The following PRKDC variants were observed in gnomAD, a reference collection of about 807,000 sequenced individuals.
PRKDC encodes the protein DNA-dependent protein kinase catalytic subunit.
Under a neutral mutation model 486.9 loss-of-function variants are expected in PRKDC, and 82 were observed. That is an observed-to-expected ratio of 0.17 (90% CI 0.14 to 0.20). PRKDC has a LOEUF of 0.20. PRKDC is among the 10% of genes least tolerant of loss of function. PRKDC has a pLI of 1.00. For synonymous variants in PRKDC, 1,895 were observed against 1,837.0 expected (o/e 1.03, Z -0.81); for missense variants, 4,504 against 5,038.2 (o/e 0.89, Z 3.21).
intron 85 of PRKDC, among the ~76,000 whole-genome samples, chr8:47,775,686 C>T (rs2086595858): frequency 6.6e-6 from 1 of 152,044 alleles, no homozygotes; most frequent in Admixed American, 6.6e-5. Context: ...TGATAGCACT[C>T]TGTGAAGCAC....
At chr8:47,822,625 C>G (rs532301979) in intron 64 of PRKDC, among the ~76,000 whole-genome samples, 1 of 151,930 alleles carries the variant, frequency 6.6e-6, no homozygotes, top group African/African-American at 2.4e-5. Context: ...CCCATCTCTA[C>G]TAAAAATACA....
intron 68 of PRKDC, among the ~76,000 whole-genome samples, chr8:47,815,620 T>C (rs1230178558): frequency 3.3e-5 from 5 of 152,228 alleles, no homozygotes; most frequent in African/African-American, 1.2e-4. Flanking sequence ...TCCCTGAGTC[T>C]TTATTGATAA....
At chr8:47,828,116 T>C (rs2154499273) in intron 62 of PRKDC, 52 bp downstream of exon 62, 2 of 1,541,222 alleles carry the variant, frequency 1.3e-6, no homozygotes, top group Non-Finnish European at 8.9e-7. Flanking sequence ...GGAAAGGCCA[T>C]GTGAAGCCAC....
At chr8:47,815,047 T>A (rs118162034) in intron 68 of PRKDC, among the ~76,000 whole-genome samples, 109 of 151,972 alleles carry the variant, frequency 7.2e-4, no homozygotes, top group African/African-American at 2.6e-3. Flanking sequence ...ACGCCTGTGG[T>A]CCCAGCTACT....
At chr8:47,873,608 A>G (rs1390380811) in intron 40 of PRKDC, among the ~76,000 whole-genome samples, 2 of 152,212 alleles carry the variant, frequency 1.3e-5, no homozygotes, top group Non-Finnish European at 2.9e-5. Flanking sequence ...ACTTGGAAGC[A>G]ACGTATGTGT....
chr8:47,904,075 A>T (rs2154502416), intron 26 of PRKDC, among the ~76,000 whole-genome samples: 1 of 150,074 alleles, frequency 6.7e-6, no homozygotes, highest in South Asian at 2.1e-4. Flanking sequence ...AATAAGCATC[A>T]AAAAAAAACT....
intron 10 of PRKDC, 107 bp from the exon 11 acceptor site, chr8:47,939,804 G>T: frequency 1.0e-6 from 1 of 989,142 alleles, no homozygotes. Flanking sequence ...TACTGTTATA[G>T]TTACACGCAA....
At chr8:47,830,960 T>C (rs1180891555) in intron 60 of PRKDC, among the ~76,000 whole-genome samples, 1 of 152,180 alleles carries the variant, frequency 6.6e-6, no homozygotes, top group Non-Finnish European at 1.5e-5. Flanking sequence ...ACATTCCCTA[T>C]AATCAGAATA....
At chr8:47,939,963 A>G (rs964870499) in intron 10 of PRKDC, 2 of 231,146 alleles carry the variant, frequency 8.7e-6, no homozygotes, top group African/African-American at 4.5e-5. Flanking sequence ...AAAAAAAAAA[A>G]AAAAAAACCA....
intron 21 of PRKDC, among the ~76,000 whole-genome samples, chr8:47,922,507 T>C (rs1273967218): frequency 6.6e-6 from 1 of 151,904 alleles, no homozygotes; most frequent in African/African-American, 2.4e-5. Flanking sequence ...GGTCTCCTTA[T>C]GTTGCCCAGA....
At chr8:47,886,696 T>C (rs1232578353) in intron 35 of PRKDC, among the ~76,000 whole-genome samples, 1 of 151,976 alleles carries the variant, frequency 6.6e-6, no homozygotes, top group Non-Finnish European at 1.5e-5. Context: ...CCCAGCCTTG[T>C]TGTTTTTTAA....
chr8:47,816,147 G>A (rs1477894905), intron 68 of PRKDC, among the ~76,000 whole-genome samples: 1 of 152,006 alleles, frequency 6.6e-6, no homozygotes, highest in Admixed American at 6.6e-5. Context: ...CTGGGAGGCG[G>A]AGGTTGCAGT....
At position 47,948,206 on chromosome 8, in the gene PRKDC, C is replaced by T. The variant is rs367873286; in HGVS notation, c.722-4177G>A. Reference sequence around the variant, plus strand: ...GTTGCCAGGCTGGAGGGCAGTGGCGCGATCTCGGGTCACTGCAGCCTCTGC... The same window carrying T: ...GTTGCCAGGCTGGAGGGCAGTGGCGTGATCTCGGGTCACTGCAGCCTCTGC... On this transcript the variant is annotated intron_variant, in intron 7 of 85. Transcript: ENST00000314191. Among the ~76,000 whole-genome samples, 580 of 151,944 alleles carry T rather than the reference C, an allele frequency of 3.8e-3. 3 individuals carry two copies. The highest frequency in any genetic ancestry group is 0.024 in the South Asian group (116 of 4,798).
chr8:47,784,890 A>G (rs1254748788), intron 77 of PRKDC, among the ~76,000 whole-genome samples: 12 of 152,244 alleles, frequency 7.9e-5, no homozygotes, highest in Admixed American at 7.9e-4. Flanking sequence ...CTTTTGTCAG[A>G]ATCAGAAATA....
chr8:47,908,762 T>C (rs1171986086), intron 25 of PRKDC, among the ~76,000 whole-genome samples: 1 of 152,230 alleles, frequency 6.6e-6, no homozygotes, highest in African/African-American at 2.4e-5. Context: ...TATTATAAAC[T>C]GATGTGTTAT....
chr8:47,793,114 C>T (rs2086910251), intron 74 of PRKDC, among the ~76,000 whole-genome samples: 1 of 152,158 alleles, frequency 6.6e-6, no homozygotes, highest in African/African-American at 2.4e-5. Flanking sequence ...GAACTCTTGG[C>T]CTCAAGCGAT....
chr8:47,864,483 C>A, intron 41 of PRKDC, 73 bp downstream of exon 41: 1 of 1,359,192 alleles, frequency 7.4e-7, no homozygotes, highest in Admixed American at 2.0e-5. Context: ...TGTGACTGAG[C>A]ACACAGCAGT....
chr8:47,935,683 G>A, intron 13 of PRKDC, 49 bp downstream of exon 13: 2 of 1,562,304 alleles, frequency 1.3e-6, no homozygotes, highest in Non-Finnish European at 1.7e-6. Flanking sequence ...ATCAAATAAT[G>A]TGTTAATTAT....
In PRKDC at chr8:47,773,634, A is replaced by T. The variant is rs1417004895; in HGVS notation, c.*539T>A. 9.1e-6 allele frequency: 2 copies of T among 220,720 alleles called. No individual in the cohort carries two copies. Among genetic ancestry groups the T allele is most frequent in the African/African-American group, 4.5e-5 (2 of 44,718 alleles). 13.7% of individuals were successfully genotyped at this position (220,720 alleles called of 1,614,324 possible). A position where few individuals can be genotyped will look rare whatever the true frequency, so the allele number is the denominator to read the frequency against. On this transcript the variant is annotated 3_prime_UTR_variant, in exon 86 of 86. Coordinates refer to ENST00000314191, the MANE Select transcript of PRKDC (RefSeq NM_006904.7). ...AAAAAACCTAGAAAAATATCCTAAA[A>T]TATCAAATGCAGTCATTTCTAAATA... is the stretch of plus-strand genomic sequence containing the variant.
Sources: allele counts gnomAD v4.1 joint callset (sites outside exome capture counted in the v4.1 genomes callset), GRCh38; gene constraint gnomAD v4.1.1; transcripts MANE v1.5; gene names NCBI Gene and HGNC (gene_info 2026-07-23, HGNC 2026-07-21).